The following MTUS1 variants were observed in gnomAD, a reference collection of about 807,000 sequenced individuals.
MTUS1 encodes microtubule associated scaffold protein 1.
A neutral mutation model predicts 120.8 loss-of-function variants in MTUS1; 109 were observed. The observed-to-expected ratio is 0.90, with a 90% CI of 0.77 to 1.06. The LOEUF is 1.06. Among genes scored for constraint, MTUS1 ranks in the 50% least tolerant of loss-of-function variants. The probability of loss-of-function intolerance (pLI) is 0.00; values close to 1 mark genes in which losing one functional copy is unlikely to be tolerated. For missense variants in MTUS1, 2,210 were observed against 1,486.3 expected, an observed-to-expected ratio of 1.49 and a Z score of -8.01; for synonymous variants, 737 against 550.5, an observed-to-expected ratio of 1.34 and a Z score of -4.74.
At chr8:17,707,428 A>G (rs1283427717) in intron 6 of MTUS1, among the ~76,000 whole-genome samples, 9 of 152,208 alleles carry the variant, frequency 5.9e-5, no homozygotes, top group African/African-American at 1.9e-4. Context: ...ATAACTAACC[A>G]TCGAGAAGAA....
intron 3 of MTUS1, among the ~76,000 whole-genome samples, chr8:17,737,146 G>C (rs2131219384): frequency 6.6e-6 from 1 of 152,272 alleles, no homozygotes; most frequent in East Asian, 1.9e-4. Context: ...TAAAGGACCA[G>C]GGTTAAGAGC....
intron 4 of MTUS1, 145 bp from the exon 5 acceptor site, chr8:17,716,046 T>C (rs1585908334): frequency 1.4e-6 from 1 of 706,342 alleles, no homozygotes; most frequent in East Asian, 2.7e-5. Context: ...GAATACAACA[T>C]GGATAACAGG....
intron 1 of MTUS1, among the ~76,000 whole-genome samples, chr8:17,776,841 C>T (rs1040936785): frequency 6.6e-6 from 1 of 152,120 alleles, no homozygotes. Context: ...GTTTTCCTAT[C>T]TAAATACAAA....
At chr8:17,733,360 A>G (rs1210505819) in intron 3 of MTUS1, among the ~76,000 whole-genome samples, 1 of 95,252 alleles carries the variant, frequency 1.0e-5, no homozygotes, top group Non-Finnish European at 2.4e-5. Flanking sequence ...CAAAAAAATT[A>G]AAAAAAAAAA....
At chr8:17,707,095 A>C (rs560985014) in intron 6 of MTUS1, among the ~76,000 whole-genome samples, 1 of 152,332 alleles carries the variant, frequency 6.6e-6, no homozygotes, top group Admixed American at 6.5e-5. Flanking sequence ...ACTCAGAGGA[A>C]CATGTTTATG....
chr8:17,698,866 T>C (rs779071190), intron 6 of MTUS1, among the ~76,000 whole-genome samples: 1 of 152,030 alleles, frequency 6.6e-6, no homozygotes, highest in Non-Finnish European at 1.5e-5. Flanking sequence ...GCTACATACA[T>C]TGCACCACAG....
chr8:17,782,787 A>G (rs1157225368), intron 1 of MTUS1, among the ~76,000 whole-genome samples: 1 of 152,162 alleles, frequency 6.6e-6, no homozygotes, highest in Non-Finnish European at 1.5e-5. Flanking sequence ...TGAAGACCTT[A>G]TGAAACCTGG....
At chr8:17,673,546 G>GGAGC (rs1387561928) in intron 8 of MTUS1, among the ~76,000 whole-genome samples, 1 of 152,120 alleles carries the variant, frequency 6.6e-6, no homozygotes, top group East Asian at 1.9e-4. Context: ...CGAACTCCTG[G>GGAGC]GCTCAAGCAA....
At chr8:17,670,351 A>G (rs1000172460) in intron 8 of MTUS1, among the ~76,000 whole-genome samples, 1 of 152,204 alleles carries the variant, frequency 6.6e-6, no homozygotes, top group Non-Finnish European at 1.5e-5. Context: ...AACCATGGGA[A>G]TGGATGAGAA....
chr8:17,667,054 A>G (rs1000707075), intron 8 of MTUS1, among the ~76,000 whole-genome samples: 2 of 152,202 alleles, frequency 1.3e-5, no homozygotes, highest in Non-Finnish European at 2.9e-5. Context: ...GAGAGACTGG[A>G]GTTAGGACAA....
At chr8:17,797,566 T>C (rs1563411097) in intron 1 of MTUS1, among the ~76,000 whole-genome samples, 1 of 152,132 alleles carries the variant, frequency 6.6e-6, no homozygotes, top group South Asian at 2.1e-4. Context: ...GCTGAGTTCA[T>C]ACCATCCCAT....
chr8:17,770,184 A>G (rs1226748292), intron 1 of MTUS1, among the ~76,000 whole-genome samples: 1 of 152,186 alleles, frequency 6.6e-6, no homozygotes, highest in African/African-American at 2.4e-5. Flanking sequence ...TTTGATTATT[A>G]TCCTTTACAA....
At position 17,725,582 on chromosome 8, in the gene MTUS1, G is replaced by A. The variant is rs764357373; in HGVS notation, c.2288-1749C>T. Among the ~76,000 whole-genome samples the A allele has an allele frequency of 2.6e-5, 4 of 152,062 alleles. No homozygotes were observed. The East Asian group carries it at 7.7e-4, about 29-fold the overall frequency. On this transcript the variant is annotated intron_variant, in intron 3 of 14. Coordinates refer to ENST00000693296, the MANE Select transcript of MTUS1 (RefSeq NM_001363059.2). ...AACCCTTTATATCATTGTCTAAACT[G>A]TATTGGACTCCTAAAATCCTGTCCT...
chr8:17,732,575 A>T (rs1351325547), intron 3 of MTUS1, among the ~76,000 whole-genome samples: 1 of 152,172 alleles, frequency 6.6e-6, no homozygotes, highest in Non-Finnish European at 1.5e-5. Flanking sequence ...TCCTAAATTT[A>T]TATCTGTAGA....
At chr8:17,683,325 G>A (rs1287336922) in intron 7 of MTUS1, among the ~76,000 whole-genome samples, 1 of 151,980 alleles carries the variant, frequency 6.6e-6, no homozygotes, top group Non-Finnish European at 1.5e-5. Context: ...TTTCTCCAAG[G>A]CACAGACCAA....
In MTUS1 at chr8:17,742,270, TTTTTTTTTTTTGTTGTTGTTG is replaced by T. The variant is rs1033177840; in HGVS notation, c.2287+1313_2287+1333del. 7.1e-5 allele frequency among the ~76,000 whole-genome samples: 8 copies of T among 111,926 alleles called. No homozygotes were observed. In the East Asian group the frequency reaches 9.8e-4, roughly 14 times the overall value. The allele number at this position is 111,926 out of a possible 152,430, so 73.4% of individuals were successfully genotyped here. ...ACCATCATGCTCTCATGCCCAGCTG[TTTTTTTTTTTTGTTGTTGTTG>T]TTTTTTTTTTTTTTTTTTTTAGAGA... On this transcript the variant is annotated intron_variant, in intron 3 of 14. Transcript: ENST00000693296.
chr8:17,769,869 A>C (rs2049883431), intron 1 of MTUS1, among the ~76,000 whole-genome samples: 1 of 115,384 alleles, frequency 8.7e-6, no homozygotes, highest in Non-Finnish European at 1.7e-5. Flanking sequence ...ACCCACTGCC[A>C]CACTCTTTGC....
rs571091890 is a variant in MTUS1, at chr8:17,753,607, G to A, written c.2091+110C>T. Reference sequence around the variant, plus strand: ...TGAATTAACAACTAAATGTAAATCTGCCCACCTGGTTCTGCAATATTATTG... The same window carrying A: ...TGAATTAACAACTAAATGTAAATCTACCCACCTGGTTCTGCAATATTATTG... On this transcript the variant is annotated intron_variant, in intron 2 of 14. Transcript: ENST00000693296. The A allele has an allele frequency of 3.5e-5, 25 of 709,238 alleles. No homozygotes were observed. In the East Asian group the frequency reaches 6.1e-4, roughly 17 times the overall value. 43.9% of individuals were successfully genotyped at this position (709,238 alleles called of 1,614,324 possible). A position where few individuals can be genotyped will look rare whatever the true frequency, so the allele number is the denominator to read the frequency against.
At chr8:17,771,496 T>C (rs767332672) in intron 1 of MTUS1, among the ~76,000 whole-genome samples, 7 of 152,220 alleles carry the variant, frequency 4.6e-5, no homozygotes, top group Non-Finnish European at 1.0e-4. Context: ...TTCAGAATCT[T>C]GGGCCAGCGT....
Sources: allele counts gnomAD v4.1 joint callset (sites outside exome capture counted in the v4.1 genomes callset), GRCh38; gene constraint gnomAD v4.1.1; transcripts MANE v1.5; gene names NCBI Gene and HGNC (gene_info 2026-07-23, HGNC 2026-07-21).